Variants in PRR5L observed in about 807,000 individuals in gnomAD.
PRR5L encodes the protein proline-rich protein 5-like.
In PRR5L, 21 loss-of-function variants were observed where a neutral mutation model predicts 36.4. The ratio of observed to expected loss-of-function variants is 0.58; its 90% CI spans 0.41 to 0.83. The LOEUF (loss-of-function observed/expected upper bound fraction) is 0.83. PRR5L is among the 40% of genes least tolerant of loss of function. The pLI, the probability that PRR5L is intolerant of heterozygous loss-of-function variation, is 0.00. For missense variants in PRR5L, 381 were observed against 473.3 expected (o/e 0.80, Z 1.81); for synonymous variants, 188 against 197.0 (o/e 0.95, Z 0.38).
chr11:36,431,954 A>C, intron 5 of PRR5L, 44 bp downstream of exon 5: 37 of 1,551,540 alleles, frequency 2.4e-5, no homozygotes, highest in Non-Finnish European at 2.9e-5. Flanking sequence ...TCTGTGACTC[A>C]GTCTTTGATG....
chr11:36,462,522 A>G lies in PRR5L; in HGVS notation c.893A>G (p.Asp298Gly), dbSNP rs1020772621. 8 of 1,608,474 alleles carry G rather than the reference A, an allele frequency of 5.0e-6. No homozygotes were observed. The highest frequency in any genetic ancestry group is 5.9e-6 in the Non-Finnish European group (7 of 1,177,002). ...RRHTVANAHS[D>G]IQLLAMATMM... ...CACACGGTGGCCAATGCCCACTCGGACATCCAGCTGCTGGCCATGGCCACC... is the reference window on the plus strand; with the variant it reads ...CACACGGTGGCCAATGCCCACTCGGGCATCCAGCTGCTGGCCATGGCCACC... The change falls in exon 9 of 9, where the codon GAC becomes GGC. Residue 298 changes from aspartate to glycine, a missense_variant. Coordinates refer to ENST00000530639, the MANE Select transcript of PRR5L (RefSeq NM_001160167.2).
intron 7 of PRR5L, among the ~76,000 whole-genome samples, chr11:36,448,637 G>T: frequency 6.6e-6 from 1 of 152,282 alleles, no homozygotes; most frequent in Admixed American, 6.5e-5. Context: ...CTAGTAGAAG[G>T]TTGAGCAGGA....
intron 4 of PRR5L, among the ~76,000 whole-genome samples, chr11:36,421,728 A>G (rs1181261516): frequency 6.6e-6 from 1 of 152,114 alleles, no homozygotes; most frequent in Non-Finnish European, 1.5e-5. Flanking sequence ...GATGCGTGCA[A>G]TGACATTAAA....
rs1052182291 is a variant in PRR5L, at chr11:36,377,249, G to A, written c.-125-23748G>A. Among the ~76,000 whole-genome samples the A allele has an allele frequency of 3.3e-5, 5 of 152,164 alleles. No individual in the cohort carries two copies. The highest frequency in any genetic ancestry group is 7.4e-5 in the Non-Finnish European group (5 of 68,018). On this transcript the variant is annotated intron_variant, in intron 1 of 8. Coordinates refer to ENST00000530639, the MANE Select transcript of PRR5L (RefSeq NM_001160167.2). This position sits in a 1 kb window ranked among gnomAD's most constrained non-coding sequence, Gnocchi z 5.1. ...CTTTGTCCCGTGCGCTGCTGCACGC[G>A]CGCGCTCTGCGGACTAGGGTGGGCC...
At chr11:36,417,803 G>A (rs1451161718) in intron 3 of PRR5L, among the ~76,000 whole-genome samples, 1 of 152,170 alleles carries the variant, frequency 6.6e-6, no homozygotes, top group Admixed American at 6.5e-5. Flanking sequence ...TGTTTTGGGG[G>A]AGTGAATACT....
chr11:36,402,410 A>G (rs922225643), intron 2 of PRR5L, among the ~76,000 whole-genome samples: 2 of 151,950 alleles, frequency 1.3e-5, no homozygotes, highest in African/African-American at 2.4e-5. Flanking sequence ...CACCTGACTG[A>G]TTTTGTATTT....
At chr11:36,412,492 G>A (rs998398456) in intron 3 of PRR5L, among the ~76,000 whole-genome samples, 6 of 152,124 alleles carry the variant, frequency 3.9e-5, no homozygotes, top group African/African-American at 1.4e-4. Context: ...TGGGAAAAGC[G>A]GAAGGAAGGC....
intron 1 of PRR5L, among the ~76,000 whole-genome samples, chr11:36,338,149 G>T (rs887296893): frequency 6.6e-6 from 1 of 152,138 alleles, no homozygotes; most frequent in African/African-American, 2.4e-5. Flanking sequence ...TTGTTAAAAA[G>T]GAAGAAGGGG....
At chr11:36,371,391 T>C (rs892417163) in intron 1 of PRR5L, among the ~76,000 whole-genome samples, 17 of 152,210 alleles carry the variant, frequency 1.1e-4, no homozygotes, top group African/African-American at 3.9e-4. Flanking sequence ...TGGTGGTATA[T>C]TGAGTGCTTA....
rs1858866558 is a variant in PRR5L, at chr11:36,447,925, T to A, written c.585+1485T>A. On this transcript the variant is annotated intron_variant, in intron 7 of 8. Coordinates refer to ENST00000530639, the MANE Select transcript of PRR5L (RefSeq NM_001160167.2). ...TAGAGCATGCTTCCTGAATAAGGAGTCTTGAAAATGAGCCCTTTGGGATTC... is the reference window on the plus strand; with the variant it reads ...TAGAGCATGCTTCCTGAATAAGGAGACTTGAAAATGAGCCCTTTGGGATTC... 2.0e-5 allele frequency among the ~76,000 whole-genome samples: 3 copies of A among 151,548 alleles called. No homozygotes were observed. In the South Asian group the frequency reaches 6.3e-4, roughly 32 times the overall value.
intron 1 of PRR5L, among the ~76,000 whole-genome samples, chr11:36,365,386 G>A (rs1453639552): frequency 1.3e-5 from 2 of 152,106 alleles, no homozygotes; most frequent in Admixed American, 6.5e-5. Flanking sequence ...GGGTCCTTTC[G>A]AAGCAAGTTT....
At chr11:36,328,093 C>A (rs1043169875) in intron 1 of PRR5L, among the ~76,000 whole-genome samples, 1 of 152,052 alleles carries the variant, frequency 6.6e-6, no homozygotes, top group Non-Finnish European at 1.5e-5. Context: ...GACAGATTAG[C>A]AATATTCATG....
At chr11:36,393,560 A>G (rs11033584) in intron 1 of PRR5L, among the ~76,000 whole-genome samples, 7,294 of 152,230 alleles carry the variant, frequency 0.048, 208 homozygotes, top group South Asian at 0.091. Context: ...TGCCAGTACT[A>G]TGCTGTTTTG....
intron 1 of PRR5L, chr11:36,375,935 C>G (rs181413709): frequency 2.8e-6 from 1 of 352,040 alleles, no homozygotes; most frequent in African/African-American, 2.1e-5. Context: ...CCACTCCTCT[C>G]TTCAGCTCCG....
intron 1 of PRR5L, among the ~76,000 whole-genome samples, chr11:36,325,884 T>C (rs1856657253): frequency 6.6e-6 from 1 of 152,208 alleles, no homozygotes; most frequent in African/African-American, 2.4e-5. Context: ...TCAGTAATCT[T>C]TACACATATC....
chr11:36,452,595 A>G (rs976884315), intron 8 of PRR5L, among the ~76,000 whole-genome samples: 1 of 152,200 alleles, frequency 6.6e-6, no homozygotes, highest in Non-Finnish European at 1.5e-5. Flanking sequence ...GAAGGAAAAC[A>G]GTCTTCTGCA....
chr11:36,331,332 C>A (rs528106761), intron 1 of PRR5L, among the ~76,000 whole-genome samples: 1 of 152,180 alleles, frequency 6.6e-6, no homozygotes, highest in African/African-American at 2.4e-5. Flanking sequence ...ATCTCAAAAT[C>A]AGTTTGAAGT....
chr11:36,336,226 G>T (rs561472884), intron 1 of PRR5L, among the ~76,000 whole-genome samples: 1 of 152,258 alleles, frequency 6.6e-6, no homozygotes, highest in South Asian at 2.1e-4. Context: ...ATTTTAAAAA[G>T]AAAACTAATT....
intron 1 of PRR5L, among the ~76,000 whole-genome samples, chr11:36,316,018 G>A (rs1250706504): frequency 6.6e-6 from 1 of 152,202 alleles, no homozygotes; most frequent in East Asian, 1.9e-4. Flanking sequence ...GGCTTATCGG[G>A]ACCAGGACAT....
Sources: gnomAD v4.1 joint callset for allele counts (sites outside exome capture counted in the v4.1 genomes callset) on GRCh38, gnomAD v4.1.1 for gene constraint, Gnocchi (gnomAD v3.1) non-coding constraint, MANE v1.5 for transcripts, NCBI Gene and HGNC (gene_info 2026-07-23, HGNC 2026-07-21) for gene names.